Variants in CAST observed in about 807,000 individuals in gnomAD.
CAST encodes calpastatin.
CAST carries 76 observed loss-of-function variants against 119.6 expected under a neutral mutation model. The ratio of observed to expected loss-of-function variants is 0.64; its 90% CI spans 0.53 to 0.77. The LOEUF is 0.77. Among genes scored for constraint, CAST ranks in the 30% least tolerant of loss-of-function variants. CAST has a pLI of 0.00. For missense variants in CAST, 953 were observed against 946.5 expected (o/e 1.01, Z -0.09); for synonymous variants, 319 against 331.6 (o/e 0.96, Z 0.41).
At chr5:96,047,020 G>A in the CAST span, among the ~76,000 whole-genome samples, 1 of 152,156 alleles carries the variant, frequency 6.6e-6, no homozygotes, top group Non-Finnish European at 1.5e-5. Flanking sequence ...TGAGATTTGG[G>A]TAGGGACACA....
At chr5:96,142,249 A>G in the CAST span, among the ~76,000 whole-genome samples, 1 of 151,998 alleles carries the variant, frequency 6.6e-6, no homozygotes, top group African/African-American at 2.4e-5. Context: ...GTCTCTACTA[A>G]AAAAATACAA....
chr5:96,306,081 C>CT, the CAST span, among the ~76,000 whole-genome samples: 4 of 152,102 alleles, frequency 2.6e-5, no homozygotes, highest in Non-Finnish European at 5.9e-5. Context: ...TGTTCCTAGA[C>CT]TTTTTTTGGT....
At chr5:96,479,523 C>T in the CAST span, among the ~76,000 whole-genome samples, 1 of 147,592 alleles carries the variant, frequency 6.8e-6, no homozygotes, top group South Asian at 2.1e-4. Flanking sequence ...AATCTCAGCT[C>T]ACTGCAACCT....
intron 3 of CAST, among the ~76,000 whole-genome samples, chr5:96,706,222 T>A (rs1398436621): frequency 1.3e-5 from 2 of 151,648 alleles, no homozygotes; most frequent in Admixed American, 1.3e-4. Flanking sequence ...ACAAGTAGAG[T>A]TTTTGAAGTT....
the CAST span, among the ~76,000 whole-genome samples, chr5:96,511,096 G>A: frequency 2.6e-5 from 4 of 152,054 alleles, no homozygotes; most frequent in East Asian, 1.9e-4. Context: ...TCATGAGTTA[G>A]TAAAACAACA....
At chr5:96,471,776 G>GCA in the CAST span, among the ~76,000 whole-genome samples, 1 of 134,052 alleles carries the variant, frequency 7.5e-6, no homozygotes, top group African/African-American at 2.9e-5. Flanking sequence ...GTGTGTGTGT[G>GCA]TGTGTGTGTG....
chr5:96,428,004 G>GTT, the CAST span, among the ~76,000 whole-genome samples: 1 of 152,180 alleles, frequency 6.6e-6, no homozygotes, highest in Non-Finnish European at 1.5e-5. Context: ...AGAGCTAGCA[G>GTT]TGGGTGTAGA....
At chr5:96,635,152 A>G (rs150439079) in intron 1 of CAST, among the ~76,000 whole-genome samples, 7 of 152,334 alleles carry the variant, frequency 4.6e-5, no homozygotes, top group African/African-American at 1.7e-4. Flanking sequence ...GTGAGCAGAG[A>G]CATTGCACCT....
chr5:96,710,171 A>G (rs1755818359), intron 3 of CAST, among the ~76,000 whole-genome samples: 1 of 152,220 alleles, frequency 6.6e-6, no homozygotes, highest in Non-Finnish European at 1.5e-5. Flanking sequence ...ATCTTATTTT[A>G]AGCTGGCTGG....
At chr5:96,072,165 G>A in the CAST span, among the ~76,000 whole-genome samples, 241 of 152,256 alleles carry the variant, frequency 1.6e-3, no homozygotes, top group Non-Finnish European at 2.5e-3. Flanking sequence ...GAATGGGTGG[G>A]GTATGGAGCA....
At chr5:96,052,814 T>C in the CAST span, among the ~76,000 whole-genome samples, 1 of 152,190 alleles carries the variant, frequency 6.6e-6, no homozygotes, top group Admixed American at 6.5e-5. Context: ...CTCTGATCCA[T>C]TTGGTCAGGA....
chr5:96,425,066 A>AAGAAAGAC, the CAST span, among the ~76,000 whole-genome samples: 1 of 140,312 alleles, frequency 7.1e-6, no homozygotes, highest in Non-Finnish European at 1.6e-5. Context: ...GAAAGAAAGA[A>AAGAAAGAC]AGAAAGAAAA....
the CAST span, among the ~76,000 whole-genome samples, chr5:96,436,827 C>A: frequency 6.6e-6 from 1 of 152,148 alleles, no homozygotes; most frequent in African/African-American, 2.4e-5. Flanking sequence ...AAAGATACAC[C>A]TGCCAGAAGT....
chr5:96,177,151 A>C, the CAST span, among the ~76,000 whole-genome samples: 1 of 152,262 alleles, frequency 6.6e-6, no homozygotes, highest in Admixed American at 6.5e-5. Context: ...TAAAAAATCT[A>C]CTCTGCACTT....
the CAST span, among the ~76,000 whole-genome samples, chr5:96,068,593 A>ATGTGTG: frequency 0.013 from 1,896 of 142,240 alleles, 21 homozygotes; most frequent in Middle Eastern, 0.022. Flanking sequence ...CAATAGGATT[A>ATGTGTG]TGTGTGTGTG....
chr5:96,176,005 C>T, the CAST span, among the ~76,000 whole-genome samples: 1 of 152,116 alleles, frequency 6.6e-6, no homozygotes, highest in African/African-American at 2.4e-5. Context: ...TAAGTGCTAC[C>T]ATAGCGGAAA....
chr5:96,703,916 C>T (rs558909784), intron 3 of CAST, among the ~76,000 whole-genome samples: 2 of 152,126 alleles, frequency 1.3e-5, no homozygotes, highest in Non-Finnish European at 2.9e-5. Flanking sequence ...TGAATGTATT[C>T]GACTTTTGTG....
At chr5:96,597,740 T>C (rs1423260727) in intron 1 of CAST, among the ~76,000 whole-genome samples, 1 of 152,152 alleles carries the variant, frequency 6.6e-6, no homozygotes, top group Non-Finnish European at 1.5e-5. Flanking sequence ...AATTATCGTG[T>C]CTCCTCTATG....
the CAST span, among the ~76,000 whole-genome samples, chr5:96,143,378 A>G: frequency 6.6e-6 from 1 of 152,144 alleles, no homozygotes; most frequent in Non-Finnish European, 1.5e-5. Flanking sequence ...TATAGCTTAA[A>G]TCTCCTCTGT....
Sources: allele counts gnomAD v4.1 joint callset (sites outside exome capture counted in the v4.1 genomes callset), GRCh38; gene constraint gnomAD v4.1.1; transcripts MANE v1.5; gene names NCBI Gene and HGNC (gene_info 2026-07-23, HGNC 2026-07-21).